OPCML: variants seen among roughly 807,000 people sequenced by gnomAD.
OPCML encodes opioid-binding protein/cell adhesion molecule.
In OPCML, 13 loss-of-function variants were observed where a neutral mutation model predicts 37.8. The ratio of observed to expected loss-of-function variants is 0.34; its 90% CI spans 0.22 to 0.55. The LOEUF (loss-of-function observed/expected upper bound fraction) is 0.55, where lower values mean the gene tolerates loss of function less well. Ranked by LOEUF, OPCML falls within the 20% of genes least tolerant of loss-of-function variation. OPCML has a pLI of 0.91. For synonymous variants in OPCML, 176 were observed against 168.8 expected (o/e 1.04, Z -0.33); for missense variants, 341 against 435.6 (o/e 0.78, Z 1.93).
At position 133,225,912 on chromosome 11, in the gene OPCML, C is replaced by T. The variant is rs114506487; in HGVS notation, c.62-282902G>A. 2.1e-3 allele frequency among the ~76,000 whole-genome samples: 326 copies of T among 152,346 alleles called. 1 individual carries two copies. The highest frequency in any genetic ancestry group is 7.6e-3 in the African/African-American group (317 of 41,586). The stretch of plus-strand genomic sequence containing the variant: ...GTGTTTATGATAGATACCAAATATT[C>T]TTCAAACAGCTTCCCATGCATTACA... On this transcript the variant is annotated intron_variant, in intron 1 of 7. Transcript: ENST00000524381.
intron 1 of OPCML, among the ~76,000 whole-genome samples, chr11:133,145,646 C>T (rs1048213000): frequency 2.0e-5 from 3 of 152,204 alleles, no homozygotes; most frequent in Non-Finnish European, 4.4e-5. Context: ...CAAGGTAACC[C>T]TTACGGCAGT....
chr11:133,374,544 T>C (rs1382557283), intron 1 of OPCML, among the ~76,000 whole-genome samples: 1 of 152,212 alleles, frequency 6.6e-6, no homozygotes, highest in East Asian at 1.9e-4. Context: ...TGTCAACTGG[T>C]GAAATTTTCT....
intron 4 of OPCML, among the ~76,000 whole-genome samples, chr11:132,472,554 C>A (rs1468139824): frequency 2.6e-5 from 4 of 152,216 alleles, no homozygotes; most frequent in African/African-American, 9.6e-5. Context: ...CAAAGACATT[C>A]TCTTCTGTAA....
intron 1 of OPCML, among the ~76,000 whole-genome samples, chr11:133,513,547 T>C (rs1021320200): frequency 6.6e-6 from 1 of 152,210 alleles, no homozygotes; most frequent in Admixed American, 6.5e-5. Context: ...GCAGAGCTAG[T>C]TTCTTCCTTC....
At chr11:133,284,427 C>T (rs544232565) in intron 1 of OPCML, among the ~76,000 whole-genome samples, 2 of 152,206 alleles carry the variant, frequency 1.3e-5, no homozygotes, top group Admixed American at 6.5e-5. Context: ...GGGAGGAGCA[C>T]TTGCAATGTT....
intron 3 of OPCML, among the ~76,000 whole-genome samples, chr11:132,637,491 T>C (rs1940581930): frequency 1.3e-5 from 2 of 152,156 alleles, no homozygotes. Context: ...GCCCATAGTC[T>C]AAGTTTCCCT....
At chr11:132,803,636 T>C (rs1938820294) in intron 2 of OPCML, among the ~76,000 whole-genome samples, 2 of 152,234 alleles carry the variant, frequency 1.3e-5, no homozygotes. Flanking sequence ...TGAGCGAGGA[T>C]GTGCTCCTTC....
At chr11:132,728,672 T>C (rs868320509) in intron 2 of OPCML, among the ~76,000 whole-genome samples, 1 of 152,052 alleles carries the variant, frequency 6.6e-6, no homozygotes, top group Non-Finnish European at 1.5e-5. Flanking sequence ...AGGCATAGAG[T>C]AGCTGCTACT....
intron 3 of OPCML, among the ~76,000 whole-genome samples, chr11:132,597,759 T>C (rs928329638): frequency 2.2e-4 from 33 of 152,314 alleles, no homozygotes; most frequent in Admixed American, 2.1e-3. Flanking sequence ...TTTTTAAATT[T>C]ATATGTATAG....
intron 2 of OPCML, among the ~76,000 whole-genome samples, chr11:132,760,233 TAGA>T (rs1565840736): frequency 6.6e-6 from 1 of 152,242 alleles, no homozygotes. Context: ...AGGTGAATTT[TAGA>T]AGAAGTGCTA....
intron 1 of OPCML, among the ~76,000 whole-genome samples, chr11:133,486,334 C>T (rs1191348440): frequency 6.6e-6 from 1 of 152,212 alleles, no homozygotes; most frequent in Non-Finnish European, 1.5e-5. Flanking sequence ...TTTGTAATGA[C>T]TCTGGTGAAG....
At chr11:133,122,990 T>C (rs2137118554) in intron 1 of OPCML, among the ~76,000 whole-genome samples, 1 of 152,356 alleles carries the variant, frequency 6.6e-6, no homozygotes. Context: ...ATAGATATTC[T>C]AAAATTCTCT....
intron 1 of OPCML, among the ~76,000 whole-genome samples, chr11:133,263,382 T>C (rs1941552303): frequency 6.6e-6 from 1 of 152,144 alleles, no homozygotes; most frequent in South Asian, 2.1e-4. Flanking sequence ...TGCTTACCAT[T>C]GTGTTACAGT....
intron 1 of OPCML, among the ~76,000 whole-genome samples, chr11:133,260,721 C>T (rs768421065): frequency 1.2e-4 from 18 of 152,262 alleles, no homozygotes; most frequent in East Asian, 9.7e-4. Flanking sequence ...CATCAGGAGT[C>T]GAGAATGACA....
intron 1 of OPCML, among the ~76,000 whole-genome samples, chr11:133,344,455 A>G (rs1943951183): frequency 6.6e-6 from 1 of 152,020 alleles, no homozygotes; most frequent in African/African-American, 2.4e-5. Context: ...CTCCCAGCCA[A>G]ATTGGACAAA....
intron 4 of OPCML, among the ~76,000 whole-genome samples, chr11:132,449,858 G>C (rs1004020905): frequency 2.6e-5 from 4 of 152,138 alleles, no homozygotes; most frequent in African/African-American, 7.2e-5. Flanking sequence ...GCTCTTTCCT[G>C]GCTCTTTTCA....
At chr11:132,521,087 A>G (rs2096292155) in intron 4 of OPCML, among the ~76,000 whole-genome samples, 1 of 152,104 alleles carries the variant, frequency 6.6e-6, no homozygotes, top group Admixed American at 6.5e-5. Flanking sequence ...CTGGCATGAG[A>G]TGGTATCTCA....
intron 4 of OPCML, among the ~76,000 whole-genome samples, chr11:132,523,210 C>T (rs926088567): frequency 2.6e-5 from 4 of 152,220 alleles, no homozygotes; most frequent in African/African-American, 7.2e-5. Flanking sequence ...CTCAGCTGAT[C>T]AGTACATTTC....
chr11:133,136,336 T>A (rs1200220276), intron 1 of OPCML, among the ~76,000 whole-genome samples: 1 of 151,136 alleles, frequency 6.6e-6, no homozygotes, highest in East Asian at 2.0e-4. Context: ...AAACCCACCC[T>A]CAAACAAAGC....
Sources: gnomAD v4.1 joint callset for allele counts (sites outside exome capture counted in the v4.1 genomes callset) on GRCh38, gnomAD v4.1.1 for gene constraint, MANE v1.5 for transcripts, NCBI Gene and HGNC (gene_info 2026-07-23, HGNC 2026-07-21) for gene names.